GALNT9: variants seen among roughly 807,000 people sequenced by gnomAD.
GALNT9 encodes the protein polypeptide N-acetylgalactosaminyltransferase 9, also known as GalNAc transferase 9.
A neutral mutation model predicts 63.1 loss-of-function variants in GALNT9; 47 were observed. The ratio of observed to expected loss-of-function variants is 0.75; its 90% CI spans 0.59 to 0.95. GALNT9 has a LOEUF of 0.95. Ranked by LOEUF, GALNT9 falls within the 40% of genes least tolerant of loss-of-function variation. The pLI is 0.00. For synonymous variants in GALNT9, 396 were observed against 365.7 expected, an observed-to-expected ratio of 1.08 and a Z score of -0.94; for missense variants, 829 against 874.8, an observed-to-expected ratio of 0.95 and a Z score of 0.66.
intron 9 of GALNT9, among the ~76,000 whole-genome samples, chr12:132,198,931 G>A (rs941591737): frequency 1.3e-5 from 2 of 152,146 alleles, no homozygotes; most frequent in South Asian, 2.1e-4. Context: ...GATGACAGGC[G>A]TGAGCCACTG....
chr12:132,226,466 A>G (rs1235903080), intron 6 of GALNT9, among the ~76,000 whole-genome samples: 5 of 148,036 alleles, frequency 3.4e-5, no homozygotes, highest in African/African-American at 1.3e-4. Context: ...CACCCACCCC[A>G]CACACTGTAC....
chr12:132,276,217 C>T (rs1880082453), intron 2 of GALNT9: 1 of 154,598 alleles, frequency 6.5e-6, no homozygotes, highest in South Asian at 2.0e-4. Context: ...CCCCCTGAGA[C>T]ATTTCCTTCC....
chr12:132,299,746 C>A (rs190027358), intron 1 of GALNT9, among the ~76,000 whole-genome samples: 23 of 137,974 alleles, frequency 1.7e-4, no homozygotes, highest in Non-Finnish European at 3.2e-4. Flanking sequence ...TAACCCACTC[C>A]CACCACACCT....
chr12:132,231,966 G>C (rs1354371602), intron 6 of GALNT9, among the ~76,000 whole-genome samples: 1 of 3,020 alleles, frequency 3.3e-4, no homozygotes, highest in Non-Finnish European at 5.6e-4. Context: ...AGACAGCATG[G>C]AGTCCCTAGT....
chr12:132,218,507 A>ATC (rs562794136), intron 6 of GALNT9, among the ~76,000 whole-genome samples: 158 of 152,340 alleles, frequency 1.0e-3, no homozygotes, highest in African/African-American at 3.7e-3. Flanking sequence ...ATTTTTAAAA[A>ATC]AGATTTACAA....
chr12:132,197,625 C>T lies in GALNT9; in HGVS notation c.1665+167G>A, dbSNP rs1336662546. Among the ~76,000 whole-genome samples the T allele has an allele frequency of 2.0e-5, 3 of 149,630 alleles. No individual in the cohort carries two copies. The East Asian group carries it at 5.8e-4, about 29-fold the overall frequency. On this transcript the variant is annotated intron_variant, in intron 10 of 10. Transcript: ENST00000328957. ...ACCAGTCACCTGCCCTCTCTGTGAG[C>T]GTCGGGGCCCATAAGGGAACAGCTG...
chr12:132,243,251 G>A (rs1878520719), intron 6 of GALNT9, among the ~76,000 whole-genome samples: 2 of 126,084 alleles, frequency 1.6e-5, no homozygotes, highest in East Asian at 4.4e-4. Flanking sequence ...CCTTCCCGGG[G>A]CCCTCCCTAT....
chr12:132,315,674 T>C lies in GALNT9; in HGVS notation c.238+13292A>G, dbSNP rs1868478091. On this transcript the variant is annotated intron_variant, in intron 1 of 10. Transcript: ENST00000328957. This position sits in a 1 kb window ranked among gnomAD's most constrained non-coding sequence, Gnocchi z 6.1. ...GCCAGTCTCTGTGAAGGCCACCAGTTCGGATCCCAGTTCTGCCATTACCAG... is the reference window on the plus strand; with the variant it reads ...GCCAGTCTCTGTGAAGGCCACCAGTCCGGATCCCAGTTCTGCCATTACCAG... Among the ~76,000 whole-genome samples, 1 of 152,180 alleles carries C rather than the reference T, an allele frequency of 6.6e-6. No individual in the cohort carries two copies. Among genetic ancestry groups the C allele is most frequent in the Non-Finnish European group, 1.5e-5 (1 of 68,034 alleles).
intron 6 of GALNT9, among the ~76,000 whole-genome samples, chr12:132,218,821 C>A (rs1245424032): frequency 6.6e-6 from 1 of 152,250 alleles, no homozygotes; most frequent in Non-Finnish European, 1.5e-5. Flanking sequence ...CCAGGGCCAG[C>A]CGTTGTCCAG....
chr12:132,257,689 C>T lies in GALNT9; in HGVS notation c.959G>A (p.Arg320Lys). The T allele has an allele frequency of 6.5e-7, 1 of 1,548,470 alleles. No individual in the cohort carries two copies. Among genetic ancestry groups the T allele is most frequent in the Non-Finnish European group, 8.7e-7 (1 of 1,145,904 alleles). ...CTCGACCCCTGAGGGCGCAGCTCAC[C>T]TGATGGGTGCTGACTCGTCGCCGCG... ...LDRGDESAPI[R>K]TPAMIGCSFV... The change falls in exon 5 of 11, where the codon AGG becomes AAG. Residue 320 changes from arginine (R) to lysine (K), a missense_variant and splice_region_variant. Arg to Lys is a conservative substitution (Grantham distance 26). Transcript: ENST00000328957.
chr12:132,240,754 C>G lies in GALNT9; in HGVS notation c.1077+7156G>C, dbSNP rs2136899402. 15 of 455,444 alleles carry G rather than the reference C, an allele frequency of 3.3e-5. No individual in the cohort carries two copies. The Admixed American group carries it at 3.3e-4, about 10-fold the overall frequency. 28.2% of individuals were successfully genotyped at this position (455,444 alleles called of 1,614,324 possible). On this transcript the variant is annotated intron_variant, in intron 6 of 10. Transcript: ENST00000328957. Reference sequence around the variant, plus strand: ...CTGGGAAGTTACCAGAACCTGATCACCAGCAGAATTGGAATGTGCAGTATG... The same window carrying G: ...CTGGGAAGTTACCAGAACCTGATCAGCAGCAGAATTGGAATGTGCAGTATG...
rs1555238013 is a variant in GALNT9 at position 132,246,538 on chromosome 12, T to C, written c.1077+1372A>G. 1.3e-5 allele frequency among the ~76,000 whole-genome samples: 2 copies of C among 152,188 alleles called. No individual in the cohort carries two copies. The highest frequency in any genetic ancestry group is 3.8e-4 in the East Asian group (2 of 5,200). On this transcript the variant is annotated intron_variant, in intron 6 of 10. Transcript: ENST00000328957. The surrounding 1 kb of genome is among the most constrained non-coding windows in gnomAD (Gnocchi z 4.7). ...CACGGTATTATTTTATTTTATTTTATCATATATTTTTTGAAATGGAGTCTC... is the reference window on the plus strand; with the variant it reads ...CACGGTATTATTTTATTTTATTTTACCATATATTTTTTGAAATGGAGTCTC...
intron 1 of GALNT9, among the ~76,000 whole-genome samples, chr12:132,308,160 G>T (rs1293745964): frequency 6.6e-6 from 1 of 152,216 alleles, no homozygotes; most frequent in Admixed American, 6.5e-5. Flanking sequence ...GGCCAACGGC[G>T]CCTGGAGCCC....
At chr12:132,200,884 G>A (rs544368103) in intron 8 of GALNT9, 51 of 530,062 alleles carry the variant, frequency 9.6e-5, no homozygotes, top group Admixed American at 2.8e-4. Flanking sequence ...CTGCAGGTGC[G>A]TGTGTTTATG....
chr12:132,196,677 G>A lies in GALNT9; in HGVS notation c.*430C>T, dbSNP rs77604987. 3.6e-5 allele frequency: 36 copies of A among 1,001,210 alleles called. No homozygotes were observed. In the East Asian group the frequency reaches 3.5e-3, roughly 96 times the overall value. 62.0% of individuals were successfully genotyped at this position (1,001,210 alleles called of 1,614,324 possible). ...GTCTTGGTTGGAGGGCTGAGCGGCC[G>A]CAAGTGCTGGGGGAGGCTGCTTGGA... On this transcript the variant is annotated 3_prime_UTR_variant, in exon 11 of 11. Coordinates refer to ENST00000328957, the MANE Select transcript of GALNT9 (RefSeq NM_001122636.2).
intron 9 of GALNT9, among the ~76,000 whole-genome samples, chr12:132,198,566 C>T (rs1012588573): frequency 2.0e-5 from 3 of 152,124 alleles, no homozygotes; most frequent in East Asian, 3.9e-4. Flanking sequence ...GCTTCAATCA[C>T]GCGACAGTCC....
intron 6 of GALNT9, among the ~76,000 whole-genome samples, chr12:132,231,262 C>T (rs1176456455): frequency 9.6e-5 from 3 of 31,320 alleles, no homozygotes; most frequent in African/African-American, 4.4e-4. Context: ...TCCCTAGTGC[C>T]ACACACTCGA....
At chr12:132,243,928 C>T (rs1212626322) in intron 6 of GALNT9, among the ~76,000 whole-genome samples, 3 of 152,188 alleles carry the variant, frequency 2.0e-5, no homozygotes, top group Non-Finnish European at 2.9e-5. Context: ...GTCCGCCACA[C>T]CCCACAAGAA....
At chr12:132,281,705 G>A (rs1880349920) in intron 2 of GALNT9, among the ~76,000 whole-genome samples, 1 of 152,226 alleles carries the variant, frequency 6.6e-6, no homozygotes, top group Non-Finnish European at 1.5e-5. Context: ...TCCTACAGCA[G>A]CGGCCACCTA....
Sources: gnomAD v4.1 joint callset for allele counts (sites outside exome capture counted in the v4.1 genomes callset) on GRCh38, gnomAD v4.1.1 for gene constraint, Gnocchi (gnomAD v3.1) non-coding constraint, MANE v1.5 for transcripts, NCBI Gene and HGNC (gene_info 2026-07-23, HGNC 2026-07-21) for gene names.